Variants in CSMD1 observed in about 807,000 individuals in gnomAD.
The protein encoded by CSMD1 is CUB and Sushi multiple domains 1.
In CSMD1, 213 loss-of-function variants were observed where a neutral mutation model predicts 417.5. The ratio of observed to expected loss-of-function variants is 0.51; its 90% CI spans 0.46 to 0.57. CSMD1 has a LOEUF of 0.57. CSMD1 is among the 20% of genes least tolerant of loss of function. The probability of loss-of-function intolerance (pLI) is 0.00; values close to 1 mark genes in which losing one functional copy is unlikely to be tolerated. For synonymous variants in CSMD1, 2,862 were observed against 1,736.8 expected, an observed-to-expected ratio of 1.65 and a Z score of -16.11; for missense variants, 6,923 against 4,529.7, an observed-to-expected ratio of 1.53 and a Z score of -15.17.
At chr8:3,134,897 G>C (rs764537391) in intron 41 of CSMD1, among the ~76,000 whole-genome samples, 28 of 152,196 alleles carry the variant, frequency 1.8e-4, no homozygotes, top group Non-Finnish European at 3.7e-4. Context: ...GTGGCGCAGA[G>C]TGAGCACACC....
At chr8:3,086,422 A>G (rs74581633) in intron 49 of CSMD1, among the ~76,000 whole-genome samples, 1,550 of 152,234 alleles carry the variant, frequency 0.01, 27 homozygotes, top group African/African-American at 0.036. Context: ...AGAAAATCTA[A>G]TATCTAATGA....
intron 7 of CSMD1, among the ~76,000 whole-genome samples, chr8:3,623,741 C>T (rs1034858305): frequency 6.6e-6 from 1 of 151,984 alleles, no homozygotes; most frequent in Non-Finnish European, 1.5e-5. Context: ...TTTGGGAGGC[C>T]AAGGCAGGCA....
At chr8:3,373,659 A>C (rs575398188) in intron 18 of CSMD1, 1 of 152,296 alleles carries the variant, frequency 6.6e-6, no homozygotes, top group South Asian at 2.1e-4. Flanking sequence ...CAGAGCTACA[A>C]ATATAGCTGC....
chr8:4,165,892 T>G (rs937016916), intron 3 of CSMD1, among the ~76,000 whole-genome samples: 7 of 152,232 alleles, frequency 4.6e-5, no homozygotes, highest in African/African-American at 1.7e-4. Context: ...AACCAACCTG[T>G]GCCTAGCACA....
At chr8:4,681,479 G>C (rs753544991) in intron 1 of CSMD1, among the ~76,000 whole-genome samples, 1 of 152,126 alleles carries the variant, frequency 6.6e-6, no homozygotes, top group Non-Finnish European at 1.5e-5. Flanking sequence ...CACAAATGGT[G>C]AGCACAAATG....
At chr8:4,399,560 TC>T (rs35414227) in intron 3 of CSMD1, among the ~76,000 whole-genome samples, 3 of 152,054 alleles carry the variant, frequency 2.0e-5, no homozygotes, top group Non-Finnish European at 2.9e-5. Flanking sequence ...ACTGGCATAA[TC>T]CCCCTTTTTT....
chr8:3,303,010 G>A (rs569689102), intron 25 of CSMD1, among the ~76,000 whole-genome samples: 2 of 152,260 alleles, frequency 1.3e-5, no homozygotes, highest in South Asian at 2.1e-4. Flanking sequence ...AGCAGCCATA[G>A]GCATAGGGAA....
rs183863006 is a variant in CSMD1 at position 3,309,808 on chromosome 8, C to T, written c.3632-1305G>A. Among the ~76,000 whole-genome samples the T allele has an allele frequency of 1.2e-3, 183 of 152,270 alleles. 1 individual carries two copies. Among genetic ancestry groups the T allele is most frequent in the African/African-American group, 4.2e-3 (174 of 41,556 alleles). ...ATTGAGGAAAATGTATTCTTAACTT[C>T]ACAATATAATTTTACCCTGCTGATG... On this transcript the variant is annotated intron_variant, in intron 23 of 69. Coordinates refer to ENST00000635120, the MANE Select transcript of CSMD1 (RefSeq NM_033225.6).
chr8:4,386,648 C>T (rs892107446), intron 3 of CSMD1, among the ~76,000 whole-genome samples: 1 of 152,202 alleles, frequency 6.6e-6, no homozygotes, highest in Non-Finnish European at 1.5e-5. Context: ...GGAGTTATCT[C>T]AGCCTTTCAG....
At chr8:3,998,223 T>C (rs911046102) in intron 4 of CSMD1, 113 bp from the exon 5 acceptor site, 15 of 831,434 alleles carry the variant, frequency 1.8e-5, no homozygotes, top group East Asian at 8.1e-5. Flanking sequence ...GAACCCAAAA[T>C]TGAGACACTC....
chr8:4,150,026 C>T (rs1039902901), intron 3 of CSMD1, among the ~76,000 whole-genome samples: 15 of 152,140 alleles, frequency 9.9e-5, no homozygotes, highest in Non-Finnish European at 1.6e-4. Context: ...ATATCCTCAA[C>T]GCTGCACGTA....
chr8:3,105,680 G>A (rs1393143942), intron 46 of CSMD1, among the ~76,000 whole-genome samples: 2 of 152,160 alleles, frequency 1.3e-5, no homozygotes, highest in East Asian at 3.9e-4. Context: ...AGATGTGCAT[G>A]TTTCATTTTT....
intron 3 of CSMD1, among the ~76,000 whole-genome samples, chr8:4,096,611 C>T (rs1360347046): frequency 6.6e-6 from 1 of 152,054 alleles, no homozygotes; most frequent in African/African-American, 2.4e-5. Context: ...GTAATCTGAT[C>T]AATTACAATG....
At chr8:3,335,001 G>A (rs750060508) in intron 23 of CSMD1, among the ~76,000 whole-genome samples, 1 of 152,220 alleles carries the variant, frequency 6.6e-6, no homozygotes, top group East Asian at 1.9e-4. Context: ...AAAAAAGTGA[G>A]TTAATTCTAG....
intron 7 of CSMD1, among the ~76,000 whole-genome samples, chr8:3,643,962 A>G (rs1486246842): frequency 6.6e-6 from 1 of 152,208 alleles, no homozygotes; most frequent in East Asian, 1.9e-4. Context: ...GGTAGATAGG[A>G]CAATTCTAAC....
At chr8:4,394,404 ACAAT>A (rs1804064874) in intron 3 of CSMD1, among the ~76,000 whole-genome samples, 2 of 152,346 alleles carry the variant, frequency 1.3e-5, no homozygotes, top group African/African-American at 4.8e-5. Flanking sequence ...TTCTTAGAAC[ACAAT>A]CAATATTTCG....
chr8:3,271,878 G>A (rs1327063205), intron 26 of CSMD1, among the ~76,000 whole-genome samples: 1 of 152,030 alleles, frequency 6.6e-6, no homozygotes, highest in Non-Finnish European at 1.5e-5. Context: ...CATTTTGTAG[G>A]TTGCCTGTTC....
intron 4 of CSMD1, among the ~76,000 whole-genome samples, chr8:4,012,646 T>C (rs562131278): frequency 6.6e-6 from 1 of 152,248 alleles, no homozygotes; most frequent in South Asian, 2.1e-4. Flanking sequence ...TGTCCATCAG[T>C]TCCATGAATG....
At chr8:4,186,920 C>T (rs1798712322) in intron 3 of CSMD1, among the ~76,000 whole-genome samples, 1 of 151,958 alleles carries the variant, frequency 6.6e-6, no homozygotes, top group Non-Finnish European at 1.5e-5. Flanking sequence ...CACCTGAACC[C>T]ACGAGGCAGA....
Sources: allele counts gnomAD v4.1 joint callset (sites outside exome capture counted in the v4.1 genomes callset), GRCh38; gene constraint gnomAD v4.1.1; transcripts MANE v1.5; gene names NCBI Gene and HGNC (gene_info 2026-07-23, HGNC 2026-07-21).